The following ST8SIA4 variants were observed in gnomAD, a reference collection of about 807,000 sequenced individuals.
ST8SIA4 encodes CMP-N-acetylneuraminate-poly-alpha-2,8-sialyltransferase.
Under a neutral mutation model 33.9 loss-of-function variants are expected in ST8SIA4, and 15 were observed. The ratio of observed to expected loss-of-function variants is 0.44; its 90% CI spans 0.30 to 0.68. The LOEUF is 0.68. Ranked by LOEUF, ST8SIA4 falls within the 30% of genes least tolerant of loss-of-function variation. The pLI, the probability that ST8SIA4 is intolerant of heterozygous loss-of-function variation, is 0.10. For missense variants in ST8SIA4, 321 were observed against 428.0 expected, an observed-to-expected ratio of 0.75 and a Z score of 2.21; for synonymous variants, 171 against 151.2, an observed-to-expected ratio of 1.13 and a Z score of -0.96.
intron 4 of ST8SIA4, among the ~76,000 whole-genome samples, chr5:100,820,305 A>G (rs10478599): frequency 0.29 from 43,704 of 151,990 alleles, 6,574 homozygotes; most frequent in Non-Finnish European, 0.33. Flanking sequence ...CTGACATAAC[A>G]TGCAGCATTT....
intron 2 of ST8SIA4, 139 bp downstream of exon 2, chr5:100,895,515 C>CATTAA: frequency 1.3e-6 from 1 of 786,282 alleles, no homozygotes; most frequent in Non-Finnish European, 2.0e-6. Flanking sequence ...CAGTGAGCAA[C>CATTAA]ATTAAATAGA....
intron 3 of ST8SIA4, among the ~76,000 whole-genome samples, chr5:100,874,005 C>A (rs907114276): frequency 5.9e-5 from 9 of 152,004 alleles, no homozygotes; most frequent in African/African-American, 2.2e-4. Context: ...TCACAACCAA[C>A]AAATTAAATT....
intron 4 of ST8SIA4, among the ~76,000 whole-genome samples, chr5:100,844,124 T>C (rs1162388417): frequency 6.6e-6 from 1 of 151,902 alleles, no homozygotes; most frequent in African/African-American, 2.4e-5. Context: ...ATGGCAAGTA[T>C]CCTTCCTTAA....
intron 4 of ST8SIA4, among the ~76,000 whole-genome samples, chr5:100,840,739 A>G (rs1418818663): frequency 6.6e-6 from 1 of 151,700 alleles, no homozygotes; most frequent in East Asian, 1.9e-4. Flanking sequence ...CAGTCAGCCT[A>G]CATTCTTTCT....
At chr5:100,877,921 C>A (rs1418895269) in intron 3 of ST8SIA4, among the ~76,000 whole-genome samples, 1 of 152,142 alleles carries the variant, frequency 6.6e-6, no homozygotes, top group Admixed American at 6.5e-5. Context: ...TTTACTCCTC[C>A]GTCTTTACTA....
chr5:100,869,139 C>T (rs1752142220), intron 3 of ST8SIA4, among the ~76,000 whole-genome samples: 1 of 152,024 alleles, frequency 6.6e-6, no homozygotes, highest in South Asian at 2.1e-4. Flanking sequence ...TCTGAACTTT[C>T]TGATAAAGCA....
intron 2 of ST8SIA4, among the ~76,000 whole-genome samples, chr5:100,894,227 T>C (rs1283354784): frequency 6.6e-6 from 1 of 152,144 alleles, no homozygotes; most frequent in Non-Finnish European, 1.5e-5. Context: ...TTCAGAGTTG[T>C]CAAATCATTC....
chr5:100,838,838 A>G (rs1311186079), intron 4 of ST8SIA4, among the ~76,000 whole-genome samples: 1 of 152,026 alleles, frequency 6.6e-6, no homozygotes, highest in Non-Finnish European at 1.5e-5. Context: ...ACTAGCAAAT[A>G]TGTACAATAG....
chr5:100,893,423 T>C (rs1752714817), intron 2 of ST8SIA4, among the ~76,000 whole-genome samples: 1 of 152,176 alleles, frequency 6.6e-6, no homozygotes, highest in African/African-American at 2.4e-5. Context: ...TTATTGTTTA[T>C]TTCTTTAATC....
Position 100,811,932 on chromosome 5 carries a change from C to A in ST8SIA4, c.995G>T (p.Arg332Ile). The A allele has an allele frequency of 3.1e-6, 5 of 1,614,084 alleles. No homozygotes were observed. Among genetic ancestry groups the A allele is most frequent in the Non-Finnish European group, 4.2e-6 (5 of 1,179,974 alleles). ...YRYFSNASPH[R>I]MPLEFKTLNV... ...TAATGTTTTGAATTCTAATGGCATT[C>A]TGTGAGGGCTTGCATTGGAAAAGTA... Residue 332 changes from arginine (R) to isoleucine (I), a missense_variant, in exon 5 of 5, where the codon AGA becomes ATA. By Grantham distance (97) the Arg-to-Ile change is moderately conservative (BLOSUM62 -3). Transcript: ENST00000231461.
intron 3 of ST8SIA4, among the ~76,000 whole-genome samples, chr5:100,870,635 T>C (rs1028989297): frequency 2.0e-5 from 3 of 152,162 alleles, no homozygotes; most frequent in Non-Finnish European, 4.4e-5. Context: ...ATTGTCATCA[T>C]TTCCATTTTT....
In ST8SIA4 at chr5:100,809,635, A is replaced by G. The variant is rs1011390344; in HGVS notation, c.*2212T>C. The G allele has an allele frequency of 2.0e-5, 3 of 152,128 alleles. No individual in the cohort carries two copies. Among genetic ancestry groups the G allele is most frequent in the African/African-American group, 7.2e-5 (3 of 41,428 alleles). 9.4% of individuals were successfully genotyped at this position (152,128 alleles called of 1,614,324 possible). On this transcript the variant is annotated 3_prime_UTR_variant, in exon 5 of 5. Coordinates refer to ENST00000231461, the MANE Select transcript of ST8SIA4 (RefSeq NM_005668.6). The stretch of plus-strand genomic sequence containing the variant: ...CTAAAGGCTACTAGAATAGCTTATC[A>G]TTTGCAAGTAGTCCAAATTTAGATT...
intron 3 of ST8SIA4, among the ~76,000 whole-genome samples, chr5:100,857,355 T>C (rs1318691811): frequency 1.3e-5 from 2 of 151,990 alleles, no homozygotes; most frequent in South Asian, 2.1e-4. Context: ...TAGACCTTTT[T>C]ATACCTGATT....
At chr5:100,852,650 A>G (rs1004755824) in intron 4 of ST8SIA4, among the ~76,000 whole-genome samples, 2 of 152,176 alleles carry the variant, frequency 1.3e-5, no homozygotes, top group Non-Finnish European at 2.9e-5. Context: ...GAATCTACCT[A>G]TATATCTTTT....
chr5:100,843,528 G>T (rs1047550454), intron 4 of ST8SIA4, among the ~76,000 whole-genome samples: 1 of 151,810 alleles, frequency 6.6e-6, no homozygotes, highest in African/African-American at 2.4e-5. Context: ...ATTCTCACCA[G>T]GAAAACTTAA....
chr5:100,843,783 T>A (rs1484295020), intron 4 of ST8SIA4, among the ~76,000 whole-genome samples: 21 of 151,948 alleles, frequency 1.4e-4, no homozygotes, highest in Non-Finnish European at 2.9e-5. Flanking sequence ...ATTTTCCACT[T>A]CTTGCTCTGC....
At chr5:100,848,878 A>T (rs1210777429) in intron 4 of ST8SIA4, among the ~76,000 whole-genome samples, 1 of 150,284 alleles carries the variant, frequency 6.7e-6, no homozygotes, top group Non-Finnish European at 1.5e-5. Context: ...TATATATATG[A>T]ATGTGTAACT....
intron 4 of ST8SIA4, among the ~76,000 whole-genome samples, chr5:100,818,490 C>T (rs918037089): frequency 2.0e-5 from 3 of 152,160 alleles, no homozygotes; most frequent in African/African-American, 4.8e-5. Flanking sequence ...TACTTAACCA[C>T]ATTGCAAATG....
intron 3 of ST8SIA4, among the ~76,000 whole-genome samples, chr5:100,876,208 A>C (rs1037859711): frequency 1.3e-5 from 2 of 152,132 alleles, no homozygotes; most frequent in Non-Finnish European, 2.9e-5. Context: ...ATTCTTTCAT[A>C]CAGAATCTCA....
Sources: allele counts gnomAD v4.1 joint callset (sites outside exome capture counted in the v4.1 genomes callset), GRCh38; gene constraint gnomAD v4.1.1; transcripts MANE v1.5; gene names NCBI Gene and HGNC (gene_info 2026-07-23, HGNC 2026-07-21).